The following ARMH4 variants were observed in gnomAD, a reference collection of about 807,000 sequenced individuals.
The protein encoded by ARMH4 is armadillo-like helical domain-containing protein 4.
ARMH4 carries 49 observed loss-of-function variants against 61.9 expected under a neutral mutation model. The ratio of observed to expected loss-of-function variants is 0.79; its 90% CI spans 0.63 to 1.00. The LOEUF (loss-of-function observed/expected upper bound fraction) is 1.00. Among genes scored for constraint, ARMH4 ranks in the 50% least tolerant of loss-of-function variants. The pLI is 0.00. For synonymous variants in ARMH4, 368 were observed against 341.5 expected, an observed-to-expected ratio of 1.08 and a Z score of -0.85; for missense variants, 934 against 930.0, an observed-to-expected ratio of 1.00 and a Z score of -0.06.
chr14:58,075,002 C>T (rs979962577), intron 5 of ARMH4, among the ~76,000 whole-genome samples: 3 of 152,096 alleles, frequency 2.0e-5, no homozygotes, highest in African/African-American at 7.2e-5. Context: ...ATGAAAAAAG[C>T]TCATCATAAC....
chr14:58,093,831 G>A (rs950540038), intron 5 of ARMH4, among the ~76,000 whole-genome samples: 3 of 152,082 alleles, frequency 2.0e-5, no homozygotes, highest in East Asian at 3.9e-4. Flanking sequence ...TTTGTTCCTT[G>A]CTTTGGTTCC....
intron 5 of ARMH4, among the ~76,000 whole-genome samples, chr14:58,017,299 C>A (rs1432343789): frequency 6.6e-6 from 1 of 152,046 alleles, no homozygotes; most frequent in Non-Finnish European, 1.5e-5. Flanking sequence ...TGGCAACAGA[C>A]CAACACCCTG....
intron 5 of ARMH4, among the ~76,000 whole-genome samples, chr14:58,019,876 G>A (rs1198072414): frequency 6.6e-6 from 1 of 152,036 alleles, no homozygotes; most frequent in African/African-American, 2.4e-5. Flanking sequence ...ATGGGCTGTG[G>A]CTGAAAAGTA....
chr14:58,073,779 C>G (rs1429045652), intron 5 of ARMH4, among the ~76,000 whole-genome samples: 1 of 152,186 alleles, frequency 6.6e-6, no homozygotes, highest in Non-Finnish European at 1.5e-5. Flanking sequence ...TAGACCTGGC[C>G]TTTCTGCTCA....
At chr14:58,056,282 A>G (rs138728089) in intron 5 of ARMH4, among the ~76,000 whole-genome samples, 1 of 152,360 alleles carries the variant, frequency 6.6e-6, no homozygotes, top group East Asian at 1.9e-4. Context: ...GCAGTACTTC[A>G]TATCTATAGT....
Position 58,133,128 on chromosome 14 carries a change from A to G in ARMH4, c.1583T>C (p.Val528Ala). Residue 528 changes from valine (V) to alanine (A), a missense_variant, in exon 3 of 8, where the codon GTC becomes GCC. Coordinates refer to ENST00000267485, the MANE Select transcript of ARMH4 (RefSeq NM_001001872.4). ...AGTAACTTCAAAAGACAAAGGGACG[A>G]CTGTAGTTGAAATTGTAGTGGCCAG... ...EPLATTISTT[V>A]VPLSFEVTPT... 6.2e-7 allele frequency: 1 copy of G among 1,614,190 alleles called. No homozygotes were observed. The highest frequency in any genetic ancestry group is 8.5e-7 in the Non-Finnish European group (1 of 1,180,038).
At chr14:58,141,879 T>C (rs1887571494) in intron 1 of ARMH4, among the ~76,000 whole-genome samples, 1 of 152,216 alleles carries the variant, frequency 6.6e-6, no homozygotes, top group African/African-American at 2.4e-5. Flanking sequence ...GTTTAAGAGT[T>C]AAGCAAGGTT....
At chr14:58,032,345 G>A (rs999289572) in intron 5 of ARMH4, among the ~76,000 whole-genome samples, 2 of 152,160 alleles carry the variant, frequency 1.3e-5, no homozygotes, top group Non-Finnish European at 2.9e-5. Flanking sequence ...TGAAGGGTAA[G>A]TCTATTGGAC....
Position 58,138,174 on chromosome 14 carries a change from T to C in ARMH4, c.1185A>G (p.Gln395=), listed in dbSNP as rs757800715. The part of the protein sequence containing the change: ...GNERSPAFTD[Q]SSFTPTSLME... Reference sequence around the variant, plus strand: ...TCAGACTTGTGGGGGTAAAGGAACTTTGATCAGTGAAAGCAGGTGATCTCT... The same window carrying C: ...TCAGACTTGTGGGGGTAAAGGAACTCTGATCAGTGAAAGCAGGTGATCTCT... Residue 395 remains glutamine (Q), a synonymous_variant, in exon 2 of 8, where the codon CAA becomes CAG. Coordinates refer to ENST00000267485, the MANE Select transcript of ARMH4 (RefSeq NM_001001872.4). 8.7e-6 allele frequency: 14 copies of C among 1,614,068 alleles called. No individual in the cohort carries two copies. In the East Asian group the frequency reaches 1.6e-4, roughly 18 times the overall value.
At chr14:58,034,405 G>A (rs201166477) in intron 5 of ARMH4, among the ~76,000 whole-genome samples, 18,252 of 115,416 alleles carry the variant, frequency 0.16, 3,352 homozygotes, top group East Asian at 0.55. Context: ...TGAAGGAAGC[G>A]CTAAACATGG....
At chr14:58,041,288 T>C (rs1883693117) in intron 5 of ARMH4, among the ~76,000 whole-genome samples, 1 of 152,162 alleles carries the variant, frequency 6.6e-6, no homozygotes, top group Admixed American at 6.5e-5. Flanking sequence ...TCCAACGGTC[T>C]TAGCAAACGG....
chr14:58,145,436 G>A (rs370944979), intron 1 of ARMH4, among the ~76,000 whole-genome samples: 2 of 152,272 alleles, frequency 1.3e-5, no homozygotes. Flanking sequence ...TCAAATGGTG[G>A]AGCAGATGCT....
intron 5 of ARMH4, among the ~76,000 whole-genome samples, chr14:58,091,972 T>C (rs923499719): frequency 6.6e-6 from 1 of 152,204 alleles, no homozygotes; most frequent in Non-Finnish European, 1.5e-5. Context: ...AGGCAATGCA[T>C]ATGTAACAGT....
At chr14:58,046,642 T>C (rs1883956278) in intron 5 of ARMH4, among the ~76,000 whole-genome samples, 1 of 152,210 alleles carries the variant, frequency 6.6e-6, no homozygotes, top group South Asian at 2.1e-4. Context: ...AACTACAGGA[T>C]AAAGCCTAAG....
chr14:58,118,437 G>A (rs1284406995), intron 4 of ARMH4, among the ~76,000 whole-genome samples: 1 of 146,208 alleles, frequency 6.8e-6, no homozygotes, highest in East Asian at 2.1e-4. Flanking sequence ...AGGGGGTAGG[G>A]GCTCACTACT....
intron 5 of ARMH4, among the ~76,000 whole-genome samples, chr14:58,088,505 G>C (rs771618468): frequency 2.0e-5 from 3 of 151,604 alleles, no homozygotes; most frequent in Non-Finnish European, 2.9e-5. Context: ...CTCTTGTCTA[G>C]GAAAAATAAT....
Position 58,004,753 on chromosome 14 carries a change from A to C in ARMH4, c.2308T>G (p.Ser770Ala). ...QDRVMLLADS[S>A]EDEF Reference sequence around the variant, plus strand: ...AGTCCAATTCAAAATTCATCTTCAGAGCTGTCGGCTAAGAGCATTACTCGA... The same window carrying C: ...AGTCCAATTCAAAATTCATCTTCAGCGCTGTCGGCTAAGAGCATTACTCGA... Residue 770 changes from serine (S) to alanine (A), a missense_variant, in exon 8 of 8, where the codon TCT becomes GCT. By Grantham distance (99) the Ser-to-Ala change is moderately conservative (BLOSUM62 1). Transcript: ENST00000267485. 1 of 1,609,320 alleles carries C rather than the reference A, an allele frequency of 6.2e-7. No homozygotes were observed. The highest frequency in any genetic ancestry group is 8.5e-7 in the Non-Finnish European group (1 of 1,176,008).
At chr14:58,144,343 C>G (rs935546501) in intron 1 of ARMH4, among the ~76,000 whole-genome samples, 2 of 152,092 alleles carry the variant, frequency 1.3e-5, no homozygotes, top group African/African-American at 2.4e-5. Context: ...GCAGGAGGAT[C>G]ATCTGAGCCC....
rs918269406 is a variant in ARMH4 at position 58,044,629 on chromosome 14, C to G, written c.2090-32479G>C. 1.8e-4 allele frequency among the ~76,000 whole-genome samples: 28 copies of G among 152,254 alleles called. No individual in the cohort carries two copies. In the East Asian group the frequency reaches 3.5e-3, roughly 19 times the overall value. On this transcript the variant is annotated intron_variant, in intron 5 of 7. Transcript: ENST00000267485. ...AATTGACAAATGGGATCTAATTAAA[C>G]TAAAGAGCTTCTGCAAAGCAAAAGA...
Sources: allele counts gnomAD v4.1 joint callset (sites outside exome capture counted in the v4.1 genomes callset), GRCh38; gene constraint gnomAD v4.1.1; transcripts MANE v1.5; gene names NCBI Gene and HGNC (gene_info 2026-07-23, HGNC 2026-07-21).